SYT1: variants seen among roughly 807,000 people sequenced by gnomAD.
The protein encoded by SYT1 is synaptotagmin 1.
A neutral mutation model predicts 44.8 loss-of-function variants in SYT1; 8 were observed. That is an observed-to-expected ratio of 0.18 (90% CI 0.10 to 0.32). SYT1 has a LOEUF of 0.32. Ranked by LOEUF, SYT1 falls within the 10% of genes least tolerant of loss-of-function variation. The pLI is 1.00. For synonymous variants in SYT1, 154 were observed against 188.8 expected, an observed-to-expected ratio of 0.82 and a Z score of 1.51; for missense variants, 286 against 509.3, an observed-to-expected ratio of 0.56 and a Z score of 4.22.
intron 3 of SYT1, among the ~76,000 whole-genome samples, chr12:79,109,094 G>T (rs1357687404): frequency 1.2e-4 from 18 of 152,140 alleles, no homozygotes; most frequent in Admixed American, 1.1e-3. Context: ...GGTGCTTCCA[G>T]CCTGGCAGAT....
At chr12:79,373,479 T>A (rs1245777) in intron 9 of SYT1, among the ~76,000 whole-genome samples, 76,225 of 152,054 alleles carry the variant, frequency 0.5, 23,660 homozygotes, top group African/African-American at 0.87. Flanking sequence ...AATTACTAAT[T>A]TGTTAATAAT....
At chr12:78,957,836 A>T (rs149776661) in intron 1 of SYT1, among the ~76,000 whole-genome samples, 1 of 152,312 alleles carries the variant, frequency 6.6e-6, no homozygotes, top group East Asian at 1.9e-4. Flanking sequence ...TACAAAATGT[A>T]GAAAATCAGT....
intron 1 of SYT1, among the ~76,000 whole-genome samples, chr12:78,958,101 G>C (rs1447275787): frequency 6.6e-6 from 1 of 152,038 alleles, no homozygotes; most frequent in African/African-American, 2.4e-5. Context: ...TCTTTGTGAA[G>C]AAAGTTATAA....
In SYT1 at chr12:79,265,361, T is replaced by C. The variant is rs1878067164; in HGVS notation, c.167-20426T>C. Among the ~76,000 whole-genome samples, 3 of 152,156 alleles carry C rather than the reference T, an allele frequency of 2.0e-5. No homozygotes were observed. The South Asian group carries it at 6.2e-4, about 31-fold the overall frequency. On this transcript the variant is annotated intron_variant, in intron 4 of 10. Transcript: ENST00000261205. ...CCAAATCCATGAAACTTCTTATACT[T>C]GATACTGCCCTGTTGTTGTTATGAT...
At chr12:79,432,020 T>A (rs976767839) in intron 9 of SYT1, among the ~76,000 whole-genome samples, 1 of 152,178 alleles carries the variant, frequency 6.6e-6, no homozygotes, top group Non-Finnish European at 1.5e-5. Context: ...GAGAATCACA[T>A]TTGGTCATCA....
At chr12:78,947,517 T>G (rs1296562210) in intron 1 of SYT1, among the ~76,000 whole-genome samples, 1 of 80,662 alleles carries the variant, frequency 1.2e-5, no homozygotes. Flanking sequence ...AAAGGTTGAA[T>G]CTAGTAAAAA....
rs140265588 is a variant in SYT1, at chr12:79,162,855, CATT to C, written c.-17-54644_-17-54642del. Among the ~76,000 whole-genome samples, 1,420 of 151,964 alleles carry C rather than the reference CATT, an allele frequency of 9.3e-3. 15 individuals carry two copies. Among genetic ancestry groups the C allele is most frequent in the Middle Eastern group, 0.037 (11 of 294 alleles). Reference sequence around the variant, plus strand: ...AAACTTTATTTTATTTATGTGGGCCCATTATTCTAGATTTCAGGCAGAGTTTTC... The same window carrying C: ...AAACTTTATTTTATTTATGTGGGCCCATTCTAGATTTCAGGCAGAGTTTTC... On this transcript the variant is annotated intron_variant, in intron 3 of 10. Coordinates refer to ENST00000261205, the MANE Select transcript of SYT1 (RefSeq NM_005639.3).
At chr12:79,137,238 G>A (rs1294116883) in intron 3 of SYT1, among the ~76,000 whole-genome samples, 1 of 151,980 alleles carries the variant, frequency 6.6e-6, no homozygotes, top group Non-Finnish European at 1.5e-5. Context: ...TGGGATTACA[G>A]GCGTGCACCA....
intron 1 of SYT1, among the ~76,000 whole-genome samples, chr12:78,962,788 C>T (rs1879579742): frequency 6.8e-6 from 1 of 147,216 alleles, no homozygotes; most frequent in Non-Finnish European, 1.5e-5. Context: ...CATGCCACAG[C>T]CAAAAATGAT....
At chr12:79,039,995 GC>G (rs1157726896) in intron 2 of SYT1, among the ~76,000 whole-genome samples, 2 of 149,690 alleles carry the variant, frequency 1.3e-5, no homozygotes. Flanking sequence ...GTGTATATGT[GC>G]CACATTTTCT....
chr12:79,368,764 A>G (rs1471836347), intron 9 of SYT1, among the ~76,000 whole-genome samples: 1 of 151,660 alleles, frequency 6.6e-6, no homozygotes, highest in Non-Finnish European at 1.5e-5. Flanking sequence ...TTTCTTGTAA[A>G]TTTGTTTGAG....
At chr12:78,999,340 T>G (rs1017488765) in intron 2 of SYT1, among the ~76,000 whole-genome samples, 3 of 152,158 alleles carry the variant, frequency 2.0e-5, no homozygotes, top group African/African-American at 7.2e-5. Context: ...ATATCTATAG[T>G]TTCACTTTCT....
intron 8 of SYT1, among the ~76,000 whole-genome samples, chr12:79,328,231 G>A (rs923635947): frequency 6.6e-6 from 1 of 152,140 alleles, no homozygotes; most frequent in Admixed American, 6.5e-5. Flanking sequence ...CAGATAGAGA[G>A]GTGAGGGGCA....
intron 3 of SYT1, among the ~76,000 whole-genome samples, chr12:79,093,577 T>G (rs1417083715): frequency 6.6e-6 from 1 of 151,702 alleles, no homozygotes; most frequent in Non-Finnish European, 1.5e-5. Flanking sequence ...TATAATAATT[T>G]TATTCAACTT....
At chr12:78,873,387 A>G (rs1213612716) in intron 1 of SYT1, among the ~76,000 whole-genome samples, 3 of 151,664 alleles carry the variant, frequency 2.0e-5, no homozygotes, top group Non-Finnish European at 4.4e-5. Context: ...TTGATATACC[A>G]TTATTTCTTC....
intron 9 of SYT1, among the ~76,000 whole-genome samples, chr12:79,418,972 C>G (rs1868928181): frequency 6.6e-6 from 1 of 152,096 alleles, no homozygotes; most frequent in Non-Finnish European, 1.5e-5. Context: ...GATTTTAAAA[C>G]TCAGGTGATT....
At chr12:79,283,450 T>C (rs1879149725) in intron 4 of SYT1, among the ~76,000 whole-genome samples, 1 of 152,214 alleles carries the variant, frequency 6.6e-6, no homozygotes, top group Non-Finnish European at 1.5e-5. Context: ...GCTTTCACTA[T>C]TTTCTTTTTG....
At chr12:79,304,976 T>A (rs930623831) in intron 8 of SYT1, among the ~76,000 whole-genome samples, 5 of 152,156 alleles carry the variant, frequency 3.3e-5, no homozygotes, top group Admixed American at 3.3e-4. Context: ...TAGCTGTGGT[T>A]TATTTGAGTT....
intron 8 of SYT1, among the ~76,000 whole-genome samples, chr12:79,348,494 T>C (rs1882703558): frequency 6.6e-6 from 1 of 152,166 alleles, no homozygotes; most frequent in Non-Finnish European, 1.5e-5. Flanking sequence ...ATTCTAAGGG[T>C]TGAAGAAGCA....
Sources: gnomAD v4.1 joint callset for allele counts (sites outside exome capture counted in the v4.1 genomes callset) on GRCh38, gnomAD v4.1.1 for gene constraint, MANE v1.5 for transcripts, NCBI Gene and HGNC (gene_info 2026-07-23, HGNC 2026-07-21) for gene names.